Variants in PRKCA observed in about 807,000 individuals in gnomAD.
The protein encoded by PRKCA is protein kinase C alpha, also known as protein kinase C alpha type.
PRKCA carries 27 observed loss-of-function variants against 87.0 expected under a neutral mutation model. The observed-to-expected ratio is 0.31, with a 90% CI of 0.23 to 0.43. The LOEUF (loss-of-function observed/expected upper bound fraction) is 0.43. Ranked by LOEUF, PRKCA falls within the 20% of genes least tolerant of loss-of-function variation. PRKCA has a pLI of 1.00. For synonymous variants in PRKCA, 329 were observed against 311.1 expected (o/e 1.06, Z -0.61); for missense variants, 518 against 852.3 (o/e 0.61, Z 4.88).
chr17:66,618,005 T>G (rs1970561174), intron 3 of PRKCA, among the ~76,000 whole-genome samples: 1 of 152,162 alleles, frequency 6.6e-6, no homozygotes, highest in African/African-American at 2.4e-5. Flanking sequence ...CTTCATTCTT[T>G]TAGTACACTG....
chr17:66,391,397 C>T (rs997607841), intron 2 of PRKCA, among the ~76,000 whole-genome samples: 28 of 152,198 alleles, frequency 1.8e-4, no homozygotes, highest in African/African-American at 5.3e-4. Context: ...CACAGCTCCT[C>T]CTCACCTCCC....
chr17:66,372,963 CCAGCAGAAT>C (rs75765435), intron 2 of PRKCA, among the ~76,000 whole-genome samples: 2,505 of 152,042 alleles, frequency 0.016, 31 homozygotes, highest in South Asian at 0.026. Context: ...AGGCTGAGTT[CCAGCAGAAT>C]TGCTGGAACC....
At chr17:66,771,820 T>C (rs1264424181) in intron 13 of PRKCA, among the ~76,000 whole-genome samples, 2 of 152,146 alleles carry the variant, frequency 1.3e-5, no homozygotes, top group Admixed American at 6.5e-5. Context: ...GGTCTCCATC[T>C]CTTGACCCTC....
At chr17:66,551,392 T>G (rs1361410721) in intron 3 of PRKCA, among the ~76,000 whole-genome samples, 1 of 152,212 alleles carries the variant, frequency 6.6e-6, no homozygotes, top group Non-Finnish European at 1.5e-5. Context: ...TCTCAAGACT[T>G]GAGTAGGGGA....
rs551191227 is a variant in PRKCA at position 66,469,499 on chromosome 17, A to G, written c.206-26702A>G. On this transcript the variant is annotated intron_variant, in intron 2 of 16. Transcript: ENST00000413366. ...ACTTTGGTGAAAATGGTCTTAATTT[A>G]AAAAAGAAAGTCCATCTTTCTAGGT... Among the ~76,000 whole-genome samples, 103 of 152,360 alleles carry G rather than the reference A, an allele frequency of 6.8e-4. 1 individual carries two copies. Among genetic ancestry groups the G allele is most frequent in the Admixed American group, 2.7e-3 (42 of 15,310 alleles).
chr17:66,376,335 C>T (rs549553203), intron 2 of PRKCA, among the ~76,000 whole-genome samples: 2 of 152,142 alleles, frequency 1.3e-5, no homozygotes, highest in African/African-American at 2.4e-5. Context: ...TGGCCTGGCG[C>T]GGTGGCTCAC....
intron 2 of PRKCA, among the ~76,000 whole-genome samples, chr17:66,349,379 C>T (rs1292572739): frequency 1.3e-5 from 2 of 152,102 alleles, no homozygotes; most frequent in African/African-American, 2.4e-5. Flanking sequence ...CCGCATTTGG[C>T]AAGGTTGCAC....
chr17:66,638,808 A>G (rs935959026), intron 3 of PRKCA, among the ~76,000 whole-genome samples: 2 of 152,094 alleles, frequency 1.3e-5, no homozygotes, highest in Non-Finnish European at 2.9e-5. Context: ...AGATCGTGCC[A>G]CTGCACTCTA....
intron 13 of PRKCA, among the ~76,000 whole-genome samples, chr17:66,754,883 G>A (rs141551060): frequency 0.011 from 1,677 of 152,112 alleles, 37 homozygotes; most frequent in African/African-American, 0.039. Context: ...TCAGATCAGG[G>A]CCCCACCTTG....
At chr17:66,629,717 A>G (rs958945564) in intron 3 of PRKCA, among the ~76,000 whole-genome samples, 1 of 152,206 alleles carries the variant, frequency 6.6e-6, no homozygotes, top group Non-Finnish European at 1.5e-5. Context: ...AATAGAGGAT[A>G]GATCAGTGGT....
chr17:66,564,437 A>G (rs773281781), intron 3 of PRKCA, among the ~76,000 whole-genome samples: 1 of 151,988 alleles, frequency 6.6e-6, no homozygotes, highest in Non-Finnish European at 1.5e-5. Flanking sequence ...AGCTCACATA[A>G]TGTTTCTGTT....
chr17:66,709,847 A>G (rs1973279837), intron 8 of PRKCA, among the ~76,000 whole-genome samples: 1 of 152,110 alleles, frequency 6.6e-6, no homozygotes, highest in East Asian at 1.9e-4. Flanking sequence ...GAGCCTTCTG[A>G]ATCATCAAGA....
At chr17:66,585,233 T>C (rs1969557240) in intron 3 of PRKCA, among the ~76,000 whole-genome samples, 1 of 152,182 alleles carries the variant, frequency 6.6e-6, no homozygotes, top group South Asian at 2.1e-4. Flanking sequence ...GCCAGCGCCA[T>C]GTTGCCTGCT....
chr17:66,510,040 C>T (rs1917155386), intron 3 of PRKCA, among the ~76,000 whole-genome samples: 1 of 152,228 alleles, frequency 6.6e-6, no homozygotes, highest in African/African-American at 2.4e-5. Context: ...AGACTTTTGG[C>T]AACCTGAAGC....
At chr17:66,322,562 A>G (rs1401549886) in intron 2 of PRKCA, among the ~76,000 whole-genome samples, 1 of 152,014 alleles carries the variant, frequency 6.6e-6, no homozygotes, top group East Asian at 1.9e-4. Context: ...TCCTAGCCTC[A>G]AGAAACCCTC....
chr17:66,707,774 A>G lies in PRKCA; in HGVS notation c.918+18727A>G, dbSNP rs151187152. ...TTTCTGGAAACGACCCCTGACCCTC[A>G]TAGTGGAGGGAAGCTTACACCCTGT... On this transcript the variant is annotated intron_variant, in intron 8 of 16. Transcript: ENST00000413366. 2.4e-3 allele frequency among the ~76,000 whole-genome samples: 363 copies of G among 152,240 alleles called. 3 individuals are homozygous for G. The highest frequency in any genetic ancestry group is 2.2e-3 in the Non-Finnish European group (148 of 68,018).
At chr17:66,694,480 C>CAAAAAAAAAAA (rs57941055) in intron 8 of PRKCA, among the ~76,000 whole-genome samples, 1 of 35,214 alleles carries the variant, frequency 2.8e-5, no homozygotes, top group Admixed American at 4.1e-4. Context: ...GACTCTGTCT[C>CAAAAAAAAAAA]AAAAAAAAAA....
At chr17:66,610,078 C>T (rs1484287230) in intron 3 of PRKCA, among the ~76,000 whole-genome samples, 2 of 152,196 alleles carry the variant, frequency 1.3e-5, no homozygotes, top group African/African-American at 4.8e-5. Flanking sequence ...TCAGACACTA[C>T]TCATAAGTAC....
chr17:66,442,977 C>T (rs1289777200), intron 2 of PRKCA, among the ~76,000 whole-genome samples: 1 of 152,196 alleles, frequency 6.6e-6, no homozygotes, highest in African/African-American at 2.4e-5. Context: ...CGAGGTGACT[C>T]TGGCAGGAGC....
Sources: allele counts gnomAD v4.1 joint callset (sites outside exome capture counted in the v4.1 genomes callset), GRCh38; gene constraint gnomAD v4.1.1; transcripts MANE v1.5; gene names NCBI Gene and HGNC (gene_info 2026-07-23, HGNC 2026-07-21).